The following FHIT variants were observed in gnomAD, a reference collection of about 807,000 sequenced individuals.
The protein encoded by FHIT is bis(5'-adenosyl)-triphosphatase.
FHIT carries 19 observed loss-of-function variants against 17.9 expected under a neutral mutation model. The observed-to-expected ratio is 1.06, with a 90% CI of 0.74 to 1.56. The LOEUF is 1.56. Ranked by LOEUF, FHIT falls within the 40% of genes most tolerant of loss-of-function variation. FHIT has a pLI of 0.00. For missense variants in FHIT, 248 were observed against 189.2 expected, an observed-to-expected ratio of 1.31 and a Z score of -1.82; for synonymous variants, 81 against 69.7, an observed-to-expected ratio of 1.16 and a Z score of -0.81.
At chr3:60,881,111 A>G (rs1285882246) in intron 3 of FHIT, among the ~76,000 whole-genome samples, 2 of 152,214 alleles carry the variant, frequency 1.3e-5, no homozygotes, top group Non-Finnish European at 2.9e-5. Context: ...AAGATACTCC[A>G]TGCAAATAAA....
intron 3 of FHIT, among the ~76,000 whole-genome samples, chr3:60,870,258 CA>C (rs1429489881): frequency 0.031 from 272 of 8,892 alleles, 1 homozygote; most frequent in African/African-American, 0.041. Flanking sequence ...TTTAAACACA[CA>C]AAGAAAAAAA....
chr3:60,805,624 C>T lies in FHIT; in HGVS notation c.-18+16295G>A, dbSNP rs568747362. On this transcript the variant is annotated intron_variant, in intron 4 of 9. Coordinates refer to ENST00000492590, the MANE Select transcript of FHIT (RefSeq NM_002012.4). ...AGGCTGGAGTGCAGTGGCGCAATCT[C>T]GGCTCACTGCAAGCTCCGCCTCCTG... Among the ~76,000 whole-genome samples the T allele has an allele frequency of 2.6e-3, 395 of 152,156 alleles. 2 individuals are homozygous for T. Among genetic ancestry groups the T allele is most frequent in the African/African-American group, 8.5e-3 (351 of 41,520 alleles).
At chr3:60,917,745 C>T (rs1291756824) in intron 3 of FHIT, among the ~76,000 whole-genome samples, 2 of 152,212 alleles carry the variant, frequency 1.3e-5, no homozygotes, top group Non-Finnish European at 2.9e-5. Flanking sequence ...AACTCTTTAT[C>T]AAATGCATGC....
At chr3:60,537,458 C>A (rs929134531) in intron 4 of FHIT, 6 of 983,368 alleles carry the variant, frequency 6.1e-6, no homozygotes, top group Non-Finnish European at 6.0e-6. Flanking sequence ...CACTGTCTGA[C>A]CTTGCCTACA....
chr3:59,888,781 G>C (rs1014097800), intron 8 of FHIT, among the ~76,000 whole-genome samples: 1 of 152,146 alleles, frequency 6.6e-6, no homozygotes, highest in Non-Finnish European at 1.5e-5. Context: ...TGCTTTTGCT[G>C]CTTTAACAGA....
At chr3:59,899,331 A>G (rs1704218437) in intron 8 of FHIT, among the ~76,000 whole-genome samples, 1 of 152,220 alleles carries the variant, frequency 6.6e-6, no homozygotes, top group South Asian at 2.1e-4. Context: ...AGGCTGACAC[A>G]TCTGGAGTAG....
intron 5 of FHIT, among the ~76,000 whole-genome samples, chr3:60,415,674 A>G (rs917207771): frequency 6.6e-6 from 1 of 151,806 alleles, no homozygotes; most frequent in Non-Finnish European, 1.5e-5. Flanking sequence ...TCCAACATCA[A>G]GCTCAGAGAC....
chr3:60,012,700 A>C (rs1465451676), intron 6 of FHIT, among the ~76,000 whole-genome samples: 1 of 152,188 alleles, frequency 6.6e-6, no homozygotes, highest in Admixed American at 6.5e-5. Flanking sequence ...CAGGGGAGAC[A>C]GGCATGATTT....
At chr3:60,458,950 T>G in intron 5 of FHIT, among the ~76,000 whole-genome samples, 1 of 103,400 alleles carries the variant, frequency 9.7e-6, no homozygotes, top group African/African-American at 6.3e-5. Context: ...TAATTTGTCT[T>G]ATTTTTTTTT....
At chr3:59,959,749 C>T (rs552147577) in intron 7 of FHIT, among the ~76,000 whole-genome samples, 1 of 152,286 alleles carries the variant, frequency 6.6e-6, no homozygotes, top group African/African-American at 2.4e-5. Flanking sequence ...AGTGACATTA[C>T]TGTGCAATCA....
chr3:61,080,404 C>T (rs1192887408), intron 2 of FHIT, among the ~76,000 whole-genome samples: 2 of 151,886 alleles, frequency 1.3e-5, no homozygotes, highest in African/African-American at 4.8e-5. Flanking sequence ...ATTCTTTTAC[C>T]AGCCTTAGGA....
intron 1 of FHIT, among the ~76,000 whole-genome samples, chr3:61,245,542 A>T (rs1463818270): frequency 6.6e-6 from 1 of 152,202 alleles, no homozygotes; most frequent in Non-Finnish European, 1.5e-5. Flanking sequence ...CCAGGTCTTT[A>T]ATTTAATCAG....
chr3:60,216,041 A>C (rs1272727152), intron 5 of FHIT, among the ~76,000 whole-genome samples: 1 of 152,198 alleles, frequency 6.6e-6, no homozygotes, highest in Admixed American at 6.5e-5. Flanking sequence ...TTGTAGGTCA[A>C]GATGGCAATA....
At chr3:59,864,269 TG>T (rs941823501) in intron 8 of FHIT, among the ~76,000 whole-genome samples, 74 of 152,232 alleles carry the variant, frequency 4.9e-4, no homozygotes, top group African/African-American at 1.5e-3. Context: ...TCATGGGGGC[TG>T]GTCTGGCCCA....
At chr3:60,238,866 C>G (rs1434178789) in intron 5 of FHIT, among the ~76,000 whole-genome samples, 1 of 152,136 alleles carries the variant, frequency 6.6e-6, no homozygotes, top group African/African-American at 2.4e-5. Flanking sequence ...TGAGCTTTGG[C>G]AAGTACAAAT....
At chr3:60,022,812 A>T (rs978600217) in intron 5 of FHIT, among the ~76,000 whole-genome samples, 1 of 152,200 alleles carries the variant, frequency 6.6e-6, no homozygotes, top group Non-Finnish European at 1.5e-5. Flanking sequence ...ATTAGACGGC[A>T]ATAAAAATGT....
At chr3:60,040,506 A>C (rs998134278) in intron 5 of FHIT, among the ~76,000 whole-genome samples, 2 of 152,108 alleles carry the variant, frequency 1.3e-5, no homozygotes, top group African/African-American at 2.4e-5. Context: ...GTAGGGGGTG[A>C]AACAGAGCCA....
At chr3:61,138,755 T>C (rs1014337585) in intron 2 of FHIT, among the ~76,000 whole-genome samples, 10 of 152,182 alleles carry the variant, frequency 6.6e-5, no homozygotes, top group Non-Finnish European at 1.5e-4. Flanking sequence ...TAGGTAGATT[T>C]ATACCCCACT....
intron 5 of FHIT, among the ~76,000 whole-genome samples, chr3:60,534,460 AAAAGAT>A (rs2035909650): frequency 2.6e-5 from 2 of 78,128 alleles, no homozygotes; most frequent in African/African-American, 8.8e-5. Flanking sequence ...AAAAAAAAAA[AAAAGAT>A]GCGTCTCCCA....
Sources: gnomAD v4.1 joint callset for allele counts (sites outside exome capture counted in the v4.1 genomes callset) on GRCh38, gnomAD v4.1.1 for gene constraint, MANE v1.5 for transcripts, NCBI Gene and HGNC (gene_info 2026-07-23, HGNC 2026-07-21) for gene names.